The following PPARGC1A variants were observed in gnomAD, a reference collection of about 807,000 sequenced individuals.
PPARGC1A encodes the protein PPARG coactivator 1 alpha, also known as peroxisome proliferator-activated receptor gamma coactivator 1-alpha.
A neutral mutation model predicts 88.7 loss-of-function variants in PPARGC1A; 25 were observed. That is an observed-to-expected ratio of 0.28 (90% CI 0.21 to 0.39). The LOEUF is 0.39. Ranked by LOEUF, PPARGC1A falls within the 10% of genes least tolerant of loss-of-function variation. The pLI is 1.00. For missense variants in PPARGC1A, 880 were observed against 968.7 expected (o/e 0.91, Z 1.22); for synonymous variants, 363 against 355.6 (o/e 1.02, Z -0.24).
chr4:23,880,988 C>T (rs1320435337), intron 2 of PPARGC1A: 1 of 152,168 alleles, frequency 6.6e-6, no homozygotes. Flanking sequence ...GGCATTAAAG[C>T]AGGTGTTAAA....
chr4:24,385,073 G>A, the PPARGC1A span, among the ~76,000 whole-genome samples: 2 of 152,182 alleles, frequency 1.3e-5, no homozygotes, highest in South Asian at 4.2e-4. Context: ...TTAGAACTCA[G>A]GATTAAGAAA....
intron 2 of PPARGC1A, among the ~76,000 whole-genome samples, chr4:23,845,274 C>T (rs1184453567): frequency 6.6e-6 from 1 of 152,052 alleles, no homozygotes; most frequent in Non-Finnish European, 1.5e-5. Flanking sequence ...CCTGTGAGTT[C>T]TCTATAAGAT....
chr4:24,143,539 C>T, the PPARGC1A span, among the ~76,000 whole-genome samples: 20 of 152,002 alleles, frequency 1.3e-4, no homozygotes, highest in Admixed American at 2.6e-4. Context: ...GAAAAGTATA[C>T]GACGATATGA....
At chr4:24,459,894 C>T in the PPARGC1A span, among the ~76,000 whole-genome samples, 2 of 152,160 alleles carry the variant, frequency 1.3e-5, no homozygotes, top group African/African-American at 4.8e-5. Context: ...GTGCTTTTTC[C>T]GAAGCCTTCT....
At chr4:23,820,582 C>T in intron 7 of PPARGC1A, 1 of 424,126 alleles carries the variant, frequency 2.4e-6, no homozygotes, top group Non-Finnish European at 4.8e-6. Flanking sequence ...AGAGCATTCT[C>T]TTTTCTCTCA....
At chr4:24,087,567 T>A in the PPARGC1A span, among the ~76,000 whole-genome samples, 1 of 152,186 alleles carries the variant, frequency 6.6e-6, no homozygotes, top group African/African-American at 2.4e-5. Context: ...TCACGAAGGA[T>A]ACATCCCATC....
chr4:24,018,122 C>A, the PPARGC1A span, among the ~76,000 whole-genome samples: 1 of 151,934 alleles, frequency 6.6e-6, no homozygotes, highest in Admixed American at 6.6e-5. Context: ...GGGACTTGGC[C>A]CACTCCTGAG....
the PPARGC1A span, among the ~76,000 whole-genome samples, chr4:23,940,392 A>G: frequency 6.0e-4 from 91 of 152,324 alleles, no homozygotes; most frequent in African/African-American, 2.1e-3. Context: ...AGGAGGTGAC[A>G]TTTCATTTAA....
chr4:24,082,645 T>C, the PPARGC1A span, among the ~76,000 whole-genome samples: 1 of 152,224 alleles, frequency 6.6e-6, no homozygotes, highest in Non-Finnish European at 1.5e-5. Context: ...GAAAACTTGA[T>C]GCAAAATATA....
intron 10 of PPARGC1A, among the ~76,000 whole-genome samples, chr4:23,810,141 T>C (rs189171600): frequency 9.8e-5 from 15 of 152,322 alleles, no homozygotes; most frequent in Middle Eastern, 3.4e-3. Flanking sequence ...CAAGTGGAAA[T>C]TGGTTAAACA....
chr4:24,115,928 C>T, the PPARGC1A span, among the ~76,000 whole-genome samples: 5 of 152,062 alleles, frequency 3.3e-5, no homozygotes, highest in Admixed American at 1.3e-4. Flanking sequence ...AATTTACTTA[C>T]TAGATTCCAG....
chr4:23,803,301 T>C (rs1261586267), intron 10 of PPARGC1A, among the ~76,000 whole-genome samples: 2 of 152,122 alleles, frequency 1.3e-5, no homozygotes, highest in African/African-American at 4.8e-5. Context: ...AAGACAATAA[T>C]TTAAGAAATA....
In PPARGC1A at chr4:23,801,922, A is replaced by T. The variant is rs755491801; in HGVS notation, c.2142-41T>A. ...AAAAGTTCAAAGCTGGTTAAGAAGT[A>T]TTAGTATATGGGACTGTAACCCTTT... On this transcript the variant is annotated intron_variant, in intron 11 of 12. Coordinates refer to ENST00000264867, the MANE Select transcript of PPARGC1A (RefSeq NM_013261.5). The T allele has an allele frequency of 2.5e-6, 4 of 1,609,778 alleles. No homozygotes were observed. The Admixed American group carries it at 6.7e-5, about 27-fold the overall frequency.
the PPARGC1A span, among the ~76,000 whole-genome samples, chr4:24,095,240 C>T: frequency 6.6e-6 from 1 of 151,496 alleles, no homozygotes; most frequent in African/African-American, 2.4e-5. Flanking sequence ...GCCTCAGCCT[C>T]CCGAGTAGCT....
At chr4:24,035,105 T>C in the PPARGC1A span, among the ~76,000 whole-genome samples, 2 of 152,236 alleles carry the variant, frequency 1.3e-5, no homozygotes, top group East Asian at 3.9e-4. Flanking sequence ...ATACATGATA[T>C]CCGGGAGATA....
chr4:23,837,719 A>T (rs1015432308), intron 2 of PPARGC1A, among the ~76,000 whole-genome samples: 1 of 152,224 alleles, frequency 6.6e-6, no homozygotes, highest in African/African-American at 2.4e-5. Context: ...ACATTCTTGG[A>T]TTATCCACTA....
chr4:24,211,194 T>G, the PPARGC1A span, among the ~76,000 whole-genome samples: 1 of 152,226 alleles, frequency 6.6e-6, no homozygotes, highest in East Asian at 1.9e-4. Flanking sequence ...AACTCGTGAC[T>G]AGATGAAAAA....
chr4:24,340,794 C>T, the PPARGC1A span, among the ~76,000 whole-genome samples: 4 of 152,060 alleles, frequency 2.6e-5, no homozygotes, highest in Admixed American at 1.3e-4. Context: ...CTGTTTGAAC[C>T]GTGCTCCAAG....
At chr4:23,988,456 C>T in the PPARGC1A span, among the ~76,000 whole-genome samples, 1 of 152,038 alleles carries the variant, frequency 6.6e-6, no homozygotes, top group African/African-American at 2.4e-5. Flanking sequence ...TCTTTCCTGA[C>T]TTTTTAATAC....
Sources: allele counts gnomAD v4.1 joint callset (sites outside exome capture counted in the v4.1 genomes callset), GRCh38; gene constraint gnomAD v4.1.1; transcripts MANE v1.5; gene names NCBI Gene and HGNC (gene_info 2026-07-23, HGNC 2026-07-21).